CDH18: variants seen among roughly 807,000 people sequenced by gnomAD.
The protein encoded by CDH18 is cadherin-18.
CDH18 carries 31 observed loss-of-function variants against 67.9 expected under a neutral mutation model. That is an observed-to-expected ratio of 0.46 (90% CI 0.34 to 0.62). CDH18 has a LOEUF of 0.62. CDH18 is among the 20% of genes least tolerant of loss of function. CDH18 has a pLI of 0.01. For synonymous variants in CDH18, 362 were observed against 347.2 expected, an observed-to-expected ratio of 1.04 and a Z score of -0.48; for missense variants, 890 against 975.5, an observed-to-expected ratio of 0.91 and a Z score of 1.17.
At chr5:20,058,621 A>G (rs185727166) in intron 2 of CDH18, among the ~76,000 whole-genome samples, 1 of 152,332 alleles carries the variant, frequency 6.6e-6, no homozygotes, top group East Asian at 1.9e-4. Flanking sequence ...CCAAAGAATC[A>G]TAGTATAAAA....
At chr5:19,533,387 T>A (rs1364153329) in intron 9 of CDH18, among the ~76,000 whole-genome samples, 1 of 151,150 alleles carries the variant, frequency 6.6e-6, no homozygotes, top group Non-Finnish European at 1.5e-5. Context: ...CTTGTTAGAA[T>A]GGATTTAAAA....
chr5:19,888,327 T>G (rs1788444620), intron 2 of CDH18, among the ~76,000 whole-genome samples: 2 of 152,166 alleles, frequency 1.3e-5, no homozygotes, highest in African/African-American at 2.4e-5. Context: ...TTCACAACAC[T>G]TAAATCCTTA....
chr5:19,799,313 T>C (rs1347487806), intron 3 of CDH18, among the ~76,000 whole-genome samples: 2 of 152,076 alleles, frequency 1.3e-5, no homozygotes, highest in Admixed American at 6.5e-5. Flanking sequence ...GTATAAAGTT[T>C]TCATTATGTA....
intron 2 of CDH18, among the ~76,000 whole-genome samples, chr5:20,035,507 G>C (rs1739772947): frequency 6.6e-6 from 1 of 151,962 alleles, no homozygotes; most frequent in African/African-American, 2.4e-5. Context: ...TGGTGGAAGG[G>C]GAAGCAGTCA....
chr5:20,561,956 T>C (rs1168040567), intron 1 of CDH18, among the ~76,000 whole-genome samples: 1 of 151,880 alleles, frequency 6.6e-6, no homozygotes, highest in Non-Finnish European at 1.5e-5. Flanking sequence ...TTATATGGTA[T>C]TATGCTAAGA....
At chr5:19,563,771 T>A (rs1396644624) in intron 8 of CDH18, among the ~76,000 whole-genome samples, 3 of 152,182 alleles carry the variant, frequency 2.0e-5, no homozygotes, top group Non-Finnish European at 2.9e-5. Context: ...ATCAGGTGAC[T>A]GATCACAGTA....
At chr5:19,798,118 A>G (rs1479495176) in intron 3 of CDH18, among the ~76,000 whole-genome samples, 1 of 152,074 alleles carries the variant, frequency 6.6e-6, no homozygotes, top group East Asian at 1.9e-4. Flanking sequence ...TATCATAACT[A>G]TAATGTTGGG....
At position 20,363,429 on chromosome 5, in the gene CDH18, G is replaced by A. The variant is rs535114383; in HGVS notation, c.-579-107924C>T. 7.5e-5 allele frequency among the ~76,000 whole-genome samples: 10 copies of A among 133,468 alleles called. No homozygotes were observed. The South Asian group carries it at 1.4e-3, about 19-fold the overall frequency. The allele number at this position is 133,468 out of a possible 152,430, so 87.6% of individuals were successfully genotyped here. The stretch of plus-strand genomic sequence containing the variant: ...GAACCTGGGAGGCAGAGGTTGCAGC[G>A]AGCTGAAACTGCACCCAGCCTGGGC... On this transcript the variant is annotated intron_variant, in intron 1 of 14. Coordinates refer to the CDH18 transcript ENST00000507958.
intron 1 of CDH18, among the ~76,000 whole-genome samples, chr5:20,494,066 A>G (rs984365503): frequency 3.3e-5 from 5 of 152,174 alleles, no homozygotes; most frequent in Admixed American, 2.6e-4. Context: ...CCTGGCCAAC[A>G]TGGTTAACCC....
chr5:19,588,224 A>T (rs920257106), intron 7 of CDH18, among the ~76,000 whole-genome samples: 5 of 152,068 alleles, frequency 3.3e-5, no homozygotes, highest in African/African-American at 1.2e-4. Context: ...GGGTTATGTC[A>T]TCTGCAAAGA....
At chr5:20,226,617 C>G (rs1741650809) in intron 2 of CDH18, among the ~76,000 whole-genome samples, 1 of 151,996 alleles carries the variant, frequency 6.6e-6, no homozygotes, top group Non-Finnish European at 1.5e-5. Context: ...ATCACTTTAA[C>G]AAATCATATC....
At chr5:19,829,957 T>A (rs62355792) in intron 3 of CDH18, among the ~76,000 whole-genome samples, 1 of 152,118 alleles carries the variant, frequency 6.6e-6, no homozygotes, top group Admixed American at 6.6e-5. Flanking sequence ...CGCTATTCAA[T>A]AAATAATGCT....
chr5:19,701,555 A>G (rs987212701), intron 5 of CDH18, among the ~76,000 whole-genome samples: 2 of 152,142 alleles, frequency 1.3e-5, no homozygotes, highest in African/African-American at 4.8e-5. Context: ...ATTATCTCCC[A>G]TATTCCCTCA....
Position 19,850,396 on chromosome 5 carries a change from T to C in CDH18, c.-256-11154A>G, listed in dbSNP as rs191444593. Among the ~76,000 whole-genome samples, 184 of 151,970 alleles carry C rather than the reference T, an allele frequency of 1.2e-3. 1 individual carries two copies. Among genetic ancestry groups the C allele is most frequent in the Non-Finnish European group, 2.0e-3 (138 of 67,826 alleles). ...CATGATTACAATCAACTACAAATAA[T>C]GTTTAGGGTAGATGTGATTTTTATT... is the stretch of plus-strand genomic sequence containing the variant. On this transcript the variant is annotated intron_variant, in intron 2 of 12. Transcript: ENST00000382275.
At chr5:20,364,012 C>T (rs1271399467) in intron 1 of CDH18, among the ~76,000 whole-genome samples, 1 of 152,138 alleles carries the variant, frequency 6.6e-6, no homozygotes, top group Non-Finnish European at 1.5e-5. Context: ...GAGGGCAGGA[C>T]TCAGGCTTCC....
intron 5 of CDH18, among the ~76,000 whole-genome samples, chr5:19,644,827 A>G (rs1159939630): frequency 2.0e-5 from 3 of 152,096 alleles, no homozygotes; most frequent in African/African-American, 7.2e-5. Flanking sequence ...ATCCCAAAAG[A>G]TTTCAGATGG....
chr5:20,161,640 A>G lies in CDH18; in HGVS notation c.-518+93804T>C, dbSNP rs2126612949. On this transcript the variant is annotated intron_variant, in intron 2 of 14. Transcript: ENST00000507958. ...CATATCCAGTTTCTTAAACTCAGTT[A>G]TGGGTTTCTTTTTTGATTATAATTT... is the stretch of plus-strand genomic sequence containing the variant. Among the ~76,000 whole-genome samples, 5 of 152,280 alleles carry G rather than the reference A, an allele frequency of 3.3e-5. 1 individual carries two copies. Among genetic ancestry groups the G allele is most frequent in the Admixed American group, 3.3e-4 (5 of 15,296 alleles).
chr5:20,398,605 G>A lies in CDH18; in HGVS notation c.-579-143100C>T, dbSNP rs2048202. Among the ~76,000 whole-genome samples the A allele has an allele frequency of 6.7e-3, 1,023 of 152,214 alleles. 15 individuals are homozygous for A. The highest frequency in any genetic ancestry group is 0.023 in the African/African-American group (974 of 41,528). On this transcript the variant is annotated intron_variant, in intron 1 of 14. Transcript: ENST00000507958. Reference sequence around the variant, plus strand: ...ACCTAGATGATGGCAAACCACCATGGCACATGTATACCTATGTAAAAAACC... The same window carrying A: ...ACCTAGATGATGGCAAACCACCATGACACATGTATACCTATGTAAAAAACC...
rs566699161 is a variant in CDH18, at chr5:20,059,119, A to G, written c.-517-67105T>C. On this transcript the variant is annotated intron_variant, in intron 2 of 14. Coordinates refer to the CDH18 transcript ENST00000507958. ...TAGATTTTCCAGTTTATTTGGGTAGAAGTGTTTATAGTATTCTCTGATGGT... is the reference window on the plus strand; with the variant it reads ...TAGATTTTCCAGTTTATTTGGGTAGGAGTGTTTATAGTATTCTCTGATGGT... 3.3e-5 allele frequency among the ~76,000 whole-genome samples: 5 copies of G among 152,202 alleles called. No homozygotes were observed. In the South Asian group the frequency reaches 6.2e-4, roughly 19 times the overall value.
Sources: gnomAD v4.1 joint callset for allele counts (sites outside exome capture counted in the v4.1 genomes callset) on GRCh38, gnomAD v4.1.1 for gene constraint, MANE v1.5 for transcripts, NCBI Gene and HGNC (gene_info 2026-07-23, HGNC 2026-07-21) for gene names.